ERO1A: variants seen among roughly 807,000 people sequenced by gnomAD.
The protein encoded by ERO1A is ERO1-like protein alpha.
Under a neutral mutation model 76.9 loss-of-function variants are expected in ERO1A, and 49 were observed. That is an observed-to-expected ratio of 0.64 (90% CI 0.51 to 0.81). The LOEUF (loss-of-function observed/expected upper bound fraction) is 0.81, where lower values mean the gene tolerates loss of function less well. ERO1A is among the 30% of genes least tolerant of loss of function. The pLI, the probability that ERO1A is intolerant of heterozygous loss-of-function variation, is 0.00. For missense variants in ERO1A, 448 were observed against 542.1 expected (o/e 0.83, Z 1.72); for synonymous variants, 174 against 181.2 (o/e 0.96, Z 0.32).
intron 9 of ERO1A, among the ~76,000 whole-genome samples, chr14:52,659,742 G>A (rs183305791): frequency 1.7e-4 from 26 of 150,448 alleles, no homozygotes; most frequent in Admixed American, 1.3e-4. Flanking sequence ...GAATTAGGGA[G>A]TTAGGGGATA....
intron 4 of ERO1A, 67 bp from the exon 5 acceptor site, chr14:52,671,938 A>G: frequency 9.8e-7 from 1 of 1,017,334 alleles, no homozygotes. Flanking sequence ...TAAAATTTAG[A>G]AGTTATCTGA....
intron 2 of ERO1A, 29 bp from the exon 3 acceptor site, chr14:52,682,437 T>C (rs774465799): frequency 1.3e-6 from 2 of 1,505,298 alleles, no homozygotes; most frequent in Non-Finnish European, 9.1e-7. Context: ...AAAAAAATTA[T>C]AAAAATCAGA....
rs1252014822 is a variant in ERO1A at position 52,641,754 on chromosome 14, G to GACTT, written c.*1812_*1815dup. The GACTT allele has an allele frequency of 2.0e-5, 3 of 152,202 alleles. No homozygotes were observed. The highest frequency in any genetic ancestry group is 7.2e-5 in the African/African-American group (3 of 41,444). The allele number at this position is 152,202 out of a possible 1,614,324, so 9.4% of individuals were successfully genotyped here. On this transcript the variant is annotated 3_prime_UTR_variant, in exon 16 of 16. Coordinates refer to ENST00000395686, the MANE Select transcript of ERO1A (RefSeq NM_014584.3). ...AGTCTTTTGAGTCTCCAAGAGGATT[G>GACTT]ACTTAATTAATGGTTTAATGTCTTT...
rs149766873 is a variant in ERO1A, at chr14:52,676,205, C to A, written c.357+2229G>T. Reference sequence around the variant, plus strand: ...TTTACTTTTCATAAAACATGCACTTCCTTTTTCCTTTTTATTTCAGCCAAA... The same window carrying A: ...TTTACTTTTCATAAAACATGCACTTACTTTTTCCTTTTTATTTCAGCCAAA... On this transcript the variant is annotated intron_variant, in intron 4 of 15. Coordinates refer to ENST00000395686, the MANE Select transcript of ERO1A (RefSeq NM_014584.3). Among the ~76,000 whole-genome samples, 948 of 120,780 alleles carry A rather than the reference C, an allele frequency of 7.8e-3. 6 individuals are homozygous for A. The highest frequency in any genetic ancestry group is 0.014 in the Non-Finnish European group (731 of 50,654). The allele number at this position is 120,780 out of a possible 152,430, so 79.2% of individuals were successfully genotyped here.
At chr14:52,646,346 G>T in intron 14 of ERO1A, 29 bp downstream of exon 14, 1 of 1,605,340 alleles carries the variant, frequency 6.2e-7, no homozygotes, top group Non-Finnish European at 8.5e-7. Context: ...AAGGGTAAAT[G>T]AGAAATAGGA....
intron 1 of ERO1A, among the ~76,000 whole-genome samples, chr14:52,690,473 G>A (rs930425017): frequency 6.6e-6 from 1 of 152,168 alleles, no homozygotes; most frequent in Non-Finnish European, 1.5e-5. Context: ...GGGCACAGTG[G>A]CTCATGTCTA....
intron 8 of ERO1A, among the ~76,000 whole-genome samples, chr14:52,661,563 C>A (rs563782079): frequency 3.9e-5 from 6 of 152,176 alleles, no homozygotes; most frequent in South Asian, 2.1e-4. Context: ...ATTTAATATA[C>A]CCTGACAGGA....
At position 52,676,832 on chromosome 14, in the gene ERO1A, C is replaced by T. The variant is rs192774586; in HGVS notation, c.357+1602G>A. ...GGTGAACAGCTTGAGTCCAGGAGTT[C>T]GAGACCAGCCTGGGCAACATGGTAG... On this transcript the variant is annotated intron_variant, in intron 4 of 15. Coordinates refer to ENST00000395686, the MANE Select transcript of ERO1A (RefSeq NM_014584.3). 1.5e-4 allele frequency among the ~76,000 whole-genome samples: 22 copies of T among 148,366 alleles called. No individual in the cohort carries two copies. The East Asian group carries it at 3.9e-3, about 27-fold the overall frequency.
intron 9 of ERO1A, among the ~76,000 whole-genome samples, chr14:52,658,774 T>C (rs2139667969): frequency 6.6e-6 from 1 of 152,196 alleles, no homozygotes; most frequent in East Asian, 1.9e-4. Context: ...GTGAACATGG[T>C]AAAATAACAT....
intron 9 of ERO1A, among the ~76,000 whole-genome samples, chr14:52,660,848 C>A (rs1254353700): frequency 6.6e-6 from 1 of 152,158 alleles, no homozygotes; most frequent in Non-Finnish European, 1.5e-5. Context: ...AAACTGTTAG[C>A]ATTAGTTAGA....
chr14:52,685,641 A>G (rs773940874), intron 1 of ERO1A, among the ~76,000 whole-genome samples: 4 of 152,206 alleles, frequency 2.6e-5, no homozygotes, highest in Admixed American at 2.0e-4. Flanking sequence ...GAAAAACTTG[A>G]GAGCAAGTTT....
chr14:52,642,471 G>GTAT lies in ERO1A; in HGVS notation c.*1096_*1098dup. ...AAGAACTTTAGATTGGAACTTGAAAGTATTATTTATTCTAAGGCTTACAGT... is the reference window on the plus strand; with the variant it reads ...AAGAACTTTAGATTGGAACTTGAAAGTATTATTATTTATTCTAAGGCTTACAGT... On this transcript the variant is annotated 3_prime_UTR_variant, in exon 16 of 16. Transcript: ENST00000395686. 6.6e-6 allele frequency: 1 copy of GTAT among 152,224 alleles called. No individual in the cohort carries two copies. Among genetic ancestry groups the GTAT allele is most frequent in the African/African-American group, 2.4e-5 (1 of 41,536 alleles). The allele number at this position is 152,224 out of a possible 1,614,324, so 9.4% of individuals were successfully genotyped here. A position where few individuals can be genotyped will look rare whatever the true frequency, so the allele number is the denominator to read the frequency against.
rs2039424592 is a variant in ERO1A at position 52,640,163 on chromosome 14, C to T, written c.*3407G>A. Reference sequence around the variant, plus strand: ...TTCCTGCCCTTAAGGAGCTCACATTCTAGTAAAGACTTTTGAAAAATAAAA... The same window carrying T: ...TTCCTGCCCTTAAGGAGCTCACATTTTAGTAAAGACTTTTGAAAAATAAAA... On this transcript the variant is annotated 3_prime_UTR_variant, in exon 16 of 16. Coordinates refer to ENST00000395686, the MANE Select transcript of ERO1A (RefSeq NM_014584.3). 6.6e-6 allele frequency: 1 copy of T among 152,140 alleles called. No homozygotes were observed. The highest frequency in any genetic ancestry group is 6.6e-5 in the Admixed American group (1 of 15,262). The allele number at this position is 152,140 out of a possible 1,614,324, so 9.4% of individuals were successfully genotyped here.
At position 52,666,242 on chromosome 14, in the gene ERO1A, G is replaced by A; in HGVS notation, c.629+133C>T. 1.4e-5 allele frequency: 10 copies of A among 691,516 alleles called. No individual in the cohort carries two copies. In the South Asian group the frequency reaches 2.0e-4, roughly 14 times the overall value. 42.8% of individuals were successfully genotyped at this position (691,516 alleles called of 1,614,324 possible). A position where few individuals can be genotyped will look rare whatever the true frequency, so the allele number is the denominator to read the frequency against. On this transcript the variant is annotated intron_variant, in intron 7 of 15. Coordinates refer to ENST00000395686, the MANE Select transcript of ERO1A (RefSeq NM_014584.3). ...CAGAAGGAAACTGGATTAATGAATA[G>A]TCATGTTTCCTTGTACAAACACATC...
At chr14:52,657,279 T>C (rs1382470064) in intron 11 of ERO1A, among the ~76,000 whole-genome samples, 1 of 152,164 alleles carries the variant, frequency 6.6e-6, no homozygotes, top group Admixed American at 6.5e-5. Flanking sequence ...CTCTCCTTCA[T>C]GAGGAGAGGT....
At chr14:52,658,172 G>A in intron 9 of ERO1A, 22 bp from the exon 10 acceptor site, 1 of 1,469,994 alleles carries the variant, frequency 6.8e-7, no homozygotes, top group Non-Finnish European at 9.3e-7. Context: ...AGAAAAATAA[G>A]TCATAAGAAT....
chr14:52,653,582 G>T (rs2039948406), intron 11 of ERO1A, among the ~76,000 whole-genome samples: 1 of 151,614 alleles, frequency 6.6e-6, no homozygotes, highest in African/African-American at 2.4e-5. Context: ...ATTTTTGCAG[G>T]TGCATAGTAT....
At chr14:52,685,252 A>C (rs2041142011) in intron 1 of ERO1A, among the ~76,000 whole-genome samples, 1 of 152,176 alleles carries the variant, frequency 6.6e-6, no homozygotes, top group Non-Finnish European at 1.5e-5. Context: ...ATTCAAGAAG[A>C]ACTTTTTACT....
intron 7 of ERO1A, 68 bp downstream of exon 7, chr14:52,666,307 A>T: frequency 8.8e-7 from 1 of 1,134,190 alleles, no homozygotes; most frequent in Non-Finnish European, 1.3e-6. Flanking sequence ...TTAAATCATT[A>T]TGATTTTGTT....
Sources: gnomAD v4.1 joint callset for allele counts (sites outside exome capture counted in the v4.1 genomes callset) on GRCh38, gnomAD v4.1.1 for gene constraint, MANE v1.5 for transcripts, NCBI Gene and HGNC (gene_info 2026-07-23, HGNC 2026-07-21) for gene names.